Variants in GLOD4 observed in about 807,000 individuals in gnomAD.
GLOD4 encodes the protein glyoxalase domain containing 4, also known as glyoxalase domain-containing protein 4.
In GLOD4, 44 loss-of-function variants were observed where a neutral mutation model predicts 39.1. That is an observed-to-expected ratio of 1.13 (90% confidence interval 0.88 to 1.45). The LOEUF is 1.45. Among genes scored for constraint, GLOD4 ranks in the 40% most tolerant of loss-of-function variants. The probability of loss-of-function intolerance (pLI) is 0.00; values close to 1 mark genes in which losing one functional copy is unlikely to be tolerated. For missense variants in GLOD4, 405 were observed against 366.4 expected (o/e 1.11, Z -0.86); for synonymous variants, 145 against 135.0 (o/e 1.07, Z -0.52).
At chr17:782,716 G>C, upstream of GLOD4, 8 of 1,570,938 alleles carry the variant, frequency 5.1e-6, no homozygotes, top group Non-Finnish European at 6.9e-6. Context: ...TGAGCCTGTC[G>C]AATGTTCTCG....
rs1905201596 is a variant in GLOD4 at position 760,149 on chromosome 17, G to C, written c.*24C>G. 7.0e-7 allele frequency: 1 copy of C among 1,434,684 alleles called. No individual in the cohort carries two copies. The allele number at this position is 1,434,684 out of a possible 1,614,324, so 88.9% of individuals were successfully genotyped here. A position where few individuals can be genotyped will look rare whatever the true frequency, so the allele number is the denominator to read the frequency against. ...CAGGTGCTGGGCAGGAATCACAGAG[G>C]CTTGCTCTGCATCATGTCTTCCGTT... On this transcript the variant is annotated 3_prime_UTR_variant, in exon 9 of 9. Transcript: ENST00000301329.
At chr17:778,929 C>T (rs1325495435) in intron 1 of GLOD4, 185 bp from the exon 2 acceptor site, 2 of 581,804 alleles carry the variant, frequency 3.4e-6, no homozygotes, top group Non-Finnish European at 6.1e-6. Flanking sequence ...AGCTTGACAC[C>T]AAGGGTCAGG....
chr17:769,322 G>A (rs551002743), intron 8 of GLOD4, among the ~76,000 whole-genome samples: 112 of 149,916 alleles, frequency 7.5e-4, no homozygotes, highest in African/African-American at 2.6e-3. Flanking sequence ...CAAGAGCTGA[G>A]GGGATGGGAT....
At chr17:773,969 A>G (rs1597584701) in intron 4 of GLOD4, among the ~76,000 whole-genome samples, 2 of 152,332 alleles carry the variant, frequency 1.3e-5, no homozygotes, top group South Asian at 4.1e-4. Context: ...GGGGATTTCC[A>G]TTCCAAAGAA....
rs115557783 is a variant in GLOD4, at chr17:776,871, A to G, written c.258T>C (p.Phe86=). 6.2e-7 allele frequency: 1 copy of G among 1,612,984 alleles called. No individual in the cohort carries two copies. Among genetic ancestry groups the G allele is most frequent in the African/African-American group, 1.3e-5 (1 of 74,898 alleles). The change falls in exon 3 of 9, where the codon TTT becomes TTC. Residue 86 remains phenylalanine, a synonymous_variant. Coordinates refer to ENST00000301329, the MANE Select transcript of GLOD4 (RefSeq NM_016080.4). The part of the protein sequence containing the change: ...GVGDYKLGND[F]MGITLASSQA... The stretch of plus-strand genomic sequence containing the variant: ...GCTAGAAAAAAACGGTATTTACCAT[A>G]AAGTCATTGCCAAGCTTGTAGTCTC...
intron 8 of GLOD4, among the ~76,000 whole-genome samples, chr17:762,872 T>C (rs565132416): frequency 2.0e-5 from 3 of 152,338 alleles, no homozygotes; most frequent in South Asian, 4.1e-4. Context: ...ACCTTGCAGG[T>C]TATATTAAGA....
chr17:765,805 C>A (rs966159321), intron 8 of GLOD4, among the ~76,000 whole-genome samples: 34 of 151,598 alleles, frequency 2.2e-4, no homozygotes, highest in African/African-American at 8.0e-4. Flanking sequence ...AAAAATTAGC[C>A]AGGTGTGGTG....
chr17:783,521 G>A, upstream of GLOD4: 1 of 473,662 alleles, frequency 2.1e-6, no homozygotes, highest in Non-Finnish European at 3.7e-6. Context: ...ATTTTTAGTA[G>A]AGGTGGGGTT....
At chr17:784,944 CT>C (rs1910466220), upstream of GLOD4, among the ~76,000 whole-genome samples, 1 of 152,184 alleles carries the variant, frequency 6.6e-6, no homozygotes, top group African/African-American at 2.4e-5. Context: ...CCTGCACCAT[CT>C]TTTAGAAAGA....
intron 8 of GLOD4, among the ~76,000 whole-genome samples, chr17:767,592 A>G (rs1906849107): frequency 6.6e-6 from 1 of 151,298 alleles, no homozygotes; most frequent in Non-Finnish European, 1.5e-5. Flanking sequence ...TTTTTAGAAG[A>G]AGAAATCTAG....
upstream of GLOD4, among the ~76,000 whole-genome samples, chr17:784,413 A>G (rs1910437474): frequency 6.6e-6 from 1 of 152,202 alleles, no homozygotes; most frequent in Admixed American, 6.5e-5. Context: ...TCCACACGCC[A>G]TGCTTCAGTG....
At chr17:761,105 G>T (rs1241668011) in intron 8 of GLOD4, among the ~76,000 whole-genome samples, 1 of 152,206 alleles carries the variant, frequency 6.6e-6, no homozygotes, top group Non-Finnish European at 1.5e-5. Context: ...AAGCTTTGAG[G>T]AGTGTGCAGA....
intron 3 of GLOD4, 61 bp from the exon 4 acceptor site, chr17:775,980 C>A: frequency 7.1e-7 from 1 of 1,405,454 alleles, no homozygotes; most frequent in Admixed American, 1.7e-5. Flanking sequence ...CAGAACAAGA[C>A]AATGAGCCCA....
chr17:783,450 C>A, upstream of GLOD4: 1 of 977,764 alleles, frequency 1.0e-6, no homozygotes, highest in Non-Finnish European at 1.5e-6. Context: ...GATTCTCTTG[C>A]CTCAGCCTCC....
intron 1 of GLOD4, among the ~76,000 whole-genome samples, chr17:779,830 T>C (rs1480786790): frequency 6.6e-6 from 1 of 152,132 alleles, no homozygotes; most frequent in Non-Finnish European, 1.5e-5. Context: ...CCACGGCTCC[T>C]GCCAGTTGAA....
chr17:771,358 C>G lies in GLOD4; in HGVS notation c.510G>C (p.Lys170Asn). 1 of 1,605,274 alleles carries G rather than the reference C, an allele frequency of 6.2e-7. No homozygotes were observed. Among genetic ancestry groups the G allele is most frequent in the South Asian group, 1.1e-5 (1 of 89,778 alleles). The stretch of plus-strand genomic sequence containing the variant: ...CAGCATAGCCCAGCAAAGCCCTTTG[C>G]TTTTCTTCATCTTTTTCATAAATTT... ...GMKIYEKDEE[K>N]QRALLGYADN... is the part of the protein sequence containing the mutation. The change falls in exon 5 of 9, where the codon AAG becomes AAC. Residue 170 changes from lysine to asparagine, a missense_variant. Physicochemically the swap from Lys to Asn is moderately conservative, Grantham distance 94. Coordinates refer to ENST00000301329, the MANE Select transcript of GLOD4 (RefSeq NM_016080.4).
At chr17:772,024 A>G (rs1908039381) in intron 4 of GLOD4, among the ~76,000 whole-genome samples, 1 of 149,098 alleles carries the variant, frequency 6.7e-6, no homozygotes, top group Admixed American at 6.7e-5. Flanking sequence ...AAAAAAAAAA[A>G]AAAAAAAAAA....
intron 4 of GLOD4, 113 bp downstream of exon 4, chr17:775,659 TGGG>T: frequency 2.5e-6 from 2 of 800,280 alleles, no homozygotes; most frequent in Non-Finnish European, 4.1e-6. Context: ...AAGCACTGGC[TGGG>T]GAAGACACGT....
At position 769,960 on chromosome 17, in the gene GLOD4, A is replaced by G. The variant is rs1760371039; in HGVS notation, c.745-5T>C. 6.2e-7 allele frequency: 1 copy of G among 1,602,076 alleles called. No individual in the cohort carries two copies. ...AAAGCAAATTTCATGTCCGTCCTAC[A>G]CCAATAAAGAGAAAAGACACCTGCC... On this transcript the variant is annotated splice_polypyrimidine_tract_variant and splice_region_variant and intron_variant, in intron 7 of 8. Transcript: ENST00000301329.
Sources: allele counts gnomAD v4.1 joint callset (sites outside exome capture counted in the v4.1 genomes callset), GRCh38; gene constraint gnomAD v4.1.1; transcripts MANE v1.5; gene names NCBI Gene and HGNC (gene_info 2026-07-23, HGNC 2026-07-21).